ZNF585B: variants seen among roughly 807,000 people sequenced by gnomAD.
The protein encoded by ZNF585B is zinc finger protein 41-like protein.
Under a neutral mutation model 14.0 loss-of-function variants are expected in ZNF585B, and 7 were observed. That is an observed-to-expected ratio of 0.50 (90% confidence interval 0.28 to 0.94). The LOEUF (loss-of-function observed/expected upper bound fraction) is 0.94, where lower values mean the gene tolerates loss of function less well. ZNF585B is among the 40% of genes least tolerant of loss of function. The pLI is 0.09. For missense variants in ZNF585B, 750 were observed against 924.4 expected (o/e 0.81, Z 2.45); for synonymous variants, 290 against 317.3 (o/e 0.91, Z 0.91).
intron 2 of ZNF585B, among the ~76,000 whole-genome samples, chr19:37,193,595 C>G (rs953423669): frequency 6.6e-6 from 1 of 151,832 alleles, no homozygotes; most frequent in East Asian, 1.9e-4. Context: ...CCAGGCAACA[C>G]AGTGAGACCC....
intron 2 of ZNF585B, among the ~76,000 whole-genome samples, chr19:37,191,145 G>A (rs1041476545): frequency 6.6e-6 from 1 of 151,888 alleles, no homozygotes; most frequent in Non-Finnish European, 1.5e-5. Flanking sequence ...AACCTGATAA[G>A]GTAAAATTTA....
At position 37,187,110 on chromosome 19, in the gene ZNF585B, A is replaced by G; in HGVS notation, c.427T>C (p.Ser143Pro). 1 of 1,614,116 alleles carries G rather than the reference A, an allele frequency of 6.2e-7. No homozygotes were observed. Among genetic ancestry groups the G allele is most frequent in the Middle Eastern group, 1.6e-4 (1 of 6,062 alleles). The change falls in exon 5 of 5, where the codon TCA becomes CCA. Residue 143 changes from serine (S) to proline (P), a missense_variant. Transcript: ENST00000532828. ...ACTTTCAGATGTACCTTGAACTGTG[A>G]CTTCCAGGTGAAGCTCTTTCCAAAT... ...AEFGKSFTWK[S>P]QFKVHLKVPT...
intron 2 of ZNF585B, among the ~76,000 whole-genome samples, chr19:37,202,514 C>T (rs992094635): frequency 1.3e-5 from 2 of 152,068 alleles, no homozygotes; most frequent in Non-Finnish European, 2.9e-5. Context: ...TTTTTGACTG[C>T]GTTGGGGGTG....
rs1290166960 is a variant in ZNF585B, at chr19:37,184,450, AAG to A, written c.*775_*776del. ...AGAAAAAGAAAGAAAGAAGGAAAGAAAGAAAGAAAGAAAGAAAGAAAGAAAGA... is the reference window on the plus strand; with the variant it reads ...AGAAAAAGAAAGAAAGAAGGAAAGAAAAAGAAAGAAAGAAAGAAAGAAAGA... On this transcript the variant is annotated 3_prime_UTR_variant, in exon 5 of 5. Transcript: ENST00000532828. 1.1e-4 allele frequency: 9 copies of A among 84,776 alleles called. No homozygotes were observed. The highest frequency in any genetic ancestry group is 2.7e-4 in the Admixed American group (2 of 7,324). The allele number at this position is 84,776 out of a possible 1,614,324, so 5.3% of individuals were successfully genotyped here.
At chr19:37,191,927 G>A (rs1164652587) in intron 2 of ZNF585B, among the ~76,000 whole-genome samples, 3 of 152,126 alleles carry the variant, frequency 2.0e-5, no homozygotes, top group Admixed American at 6.5e-5. Flanking sequence ...CTACTCAGGA[G>A]GCTTAGGCAG....
chr19:37,208,339 C>T (rs1377950247), intron 1 of ZNF585B, among the ~76,000 whole-genome samples: 3 of 152,002 alleles, frequency 2.0e-5, no homozygotes, highest in Non-Finnish European at 4.4e-5. Context: ...TTTTTAAAAC[C>T]CCTAAGGATA....
chr19:37,195,977 G>C (rs1972462140), intron 2 of ZNF585B: 2 of 152,364 alleles, frequency 1.3e-5, no homozygotes, highest in African/African-American at 4.8e-5. Flanking sequence ...GGTGAGCCAA[G>C]ATTGTGCCAC....
In ZNF585B at chr19:37,189,701, T is replaced by C; in HGVS notation, c.252A>G (p.Pro84=). The change falls in exon 4 of 5, where the codon CCA becomes CCG. Residue 84 remains proline, a synonymous_variant. Transcript: ENST00000532828. ...GTGGCCTCTCACCCTGCAGTGCCCA[T>C]GGTTCCTTTCCTTGCTCCAACATGA... ...EVVMLEQGKE[P]WALQGERPRH... 6.2e-7 allele frequency: 1 copy of C among 1,613,788 alleles called. No individual in the cohort carries two copies. Among genetic ancestry groups the C allele is most frequent in the Non-Finnish European group, 8.5e-7 (1 of 1,180,016 alleles).
At chr19:37,207,551 G>C (rs556374179) in intron 1 of ZNF585B, among the ~76,000 whole-genome samples, 1 of 152,280 alleles carries the variant, frequency 6.6e-6, no homozygotes, top group African/African-American at 2.4e-5. Flanking sequence ...TGAAATATGG[G>C]AAAAGCCATG....
intron 4 of ZNF585B, 121 bp downstream of exon 4, chr19:37,189,540 T>C (rs1253855266): frequency 1.8e-6 from 2 of 1,083,058 alleles, no homozygotes; most frequent in Non-Finnish European, 2.7e-6. Flanking sequence ...TATAAAAAAT[T>C]CAGAGCCTTA....
intron 2 of ZNF585B, among the ~76,000 whole-genome samples, chr19:37,200,706 A>G (rs1484904735): frequency 6.6e-6 from 1 of 152,114 alleles, no homozygotes; most frequent in African/African-American, 2.4e-5. Flanking sequence ...TTTTATTGTT[A>G]TTCACAGTAT....
chr19:37,200,822 G>A (rs959844772), intron 2 of ZNF585B, among the ~76,000 whole-genome samples: 1 of 151,984 alleles, frequency 6.6e-6, no homozygotes, highest in African/African-American at 2.4e-5. Context: ...CAGGCACGGT[G>A]GCTCACACCT....
chr19:37,207,016 C>A, intron 2 of ZNF585B, 24 bp downstream of exon 2: 2 of 1,613,038 alleles, frequency 1.2e-6, no homozygotes, highest in East Asian at 2.2e-5. Context: ...TGAAATTCCA[C>A]CCCTTGGGAC....
At chr19:37,199,357 T>TC (rs1972505924) in intron 2 of ZNF585B, 4 of 357,794 alleles carry the variant, frequency 1.1e-5, no homozygotes, top group South Asian at 8.5e-5. Context: ...TGAAACTGTC[T>TC]CTACAAAAAA....
chr19:37,190,932 T>C (rs1972393836), intron 2 of ZNF585B, among the ~76,000 whole-genome samples: 1 of 152,148 alleles, frequency 6.6e-6, no homozygotes. Flanking sequence ...ATTTTAAACA[T>C]ACAGAAAATT....
chr19:37,203,627 T>C (rs1972557115), intron 2 of ZNF585B, among the ~76,000 whole-genome samples: 2 of 152,282 alleles, frequency 1.3e-5, no homozygotes, highest in Admixed American at 1.3e-4. Flanking sequence ...CCTTTCTGTT[T>C]TGTTTTGTTT....
At chr19:37,198,399 C>G (rs1477722954) in intron 2 of ZNF585B, among the ~76,000 whole-genome samples, 1 of 151,982 alleles carries the variant, frequency 6.6e-6, no homozygotes, top group Non-Finnish European at 1.5e-5. Flanking sequence ...CTCAAACTCC[C>G]TACCTCAGGT....
At chr19:37,193,085 A>C (rs1404824836) in intron 2 of ZNF585B, among the ~76,000 whole-genome samples, 6 of 152,204 alleles carry the variant, frequency 3.9e-5, no homozygotes, top group African/African-American at 1.4e-4. Flanking sequence ...CAGTGAGCCG[A>C]GATTGCGCCA....
At chr19:37,203,961 C>T (rs1323492857) in intron 2 of ZNF585B, among the ~76,000 whole-genome samples, 1 of 152,186 alleles carries the variant, frequency 6.6e-6, no homozygotes, top group African/African-American at 2.4e-5. Flanking sequence ...TAATTTAATG[C>T]TCTTTGTCAG....
Sources: allele counts gnomAD v4.1 joint callset (sites outside exome capture counted in the v4.1 genomes callset), GRCh38; gene constraint gnomAD v4.1.1; transcripts MANE v1.5; gene names NCBI Gene and HGNC (gene_info 2026-07-23, HGNC 2026-07-21).